Variants in EFCAB6 observed in about 807,000 individuals in gnomAD.
The protein encoded by EFCAB6 is EF-hand calcium binding domain 6.
Under a neutral mutation model 169.8 loss-of-function variants are expected in EFCAB6, and 156 were observed. The ratio of observed to expected loss-of-function variants is 0.92; its 90% CI spans 0.81 to 1.05. The LOEUF is 1.05. Among genes scored for constraint, EFCAB6 ranks in the 50% least tolerant of loss-of-function variants. The pLI is 0.00. For missense variants in EFCAB6, 1,800 were observed against 1,829.1 expected (o/e 0.98, Z 0.29); for synonymous variants, 698 against 676.4 (o/e 1.03, Z -0.50).
At chr22:43,590,838 A>G (rs1030391325) in intron 23 of EFCAB6, among the ~76,000 whole-genome samples, 3 of 152,144 alleles carry the variant, frequency 2.0e-5, no homozygotes, top group African/African-American at 7.2e-5. Flanking sequence ...ATGGATGCAA[A>G]AGAGTCAGCT....
At chr22:43,536,217 G>T (rs2047376212) in intron 29 of EFCAB6, 2 of 152,088 alleles carry the variant, frequency 1.3e-5, no homozygotes. Context: ...ACGCCAATAT[G>T]TGTGACAACC....
rs561222505 is a variant in EFCAB6, at chr22:43,678,216, G to A, written c.1252-53C>T. 7.1e-4 allele frequency: 1,028 copies of A among 1,454,492 alleles called. 16 individuals are homozygous for A. The South Asian group carries it at 0.012, about 17-fold the overall frequency. The allele number at this position is 1,454,492 out of a possible 1,614,324, so 90.1% of individuals were successfully genotyped here. A position where few individuals can be genotyped will look rare whatever the true frequency, so the allele number is the denominator to read the frequency against. Reference sequence around the variant, plus strand: ...TTTTTGAAAAAAAAAAAAAAAGGAAGAAAAAGTGTTATGTATGTTTAGCAT... The same window carrying A: ...TTTTTGAAAAAAAAAAAAAAAGGAAAAAAAAGTGTTATGTATGTTTAGCAT... On this transcript the variant is annotated intron_variant, in intron 12 of 31. Coordinates refer to ENST00000262726, the MANE Select transcript of EFCAB6 (RefSeq NM_022785.4).
chr22:43,635,245 A>C (rs2055300490), intron 17 of EFCAB6, 29 bp from the exon 18 acceptor site: 5 of 1,561,658 alleles, frequency 3.2e-6, no homozygotes, highest in Non-Finnish European at 4.4e-6. Flanking sequence ...GAGGGTGGAG[A>C]GGCGTTAGGT....
At chr22:43,566,208 C>T (rs971231822) in intron 26 of EFCAB6, among the ~76,000 whole-genome samples, 66 of 152,286 alleles carry the variant, frequency 4.3e-4, no homozygotes, top group Non-Finnish European at 7.4e-5. Flanking sequence ...GGAGTAGATA[C>T]TCCAGCACGC....
chr22:43,656,769 ACCT>A (rs2056765689), intron 17 of EFCAB6, among the ~76,000 whole-genome samples: 11 of 135,492 alleles, frequency 8.1e-5, no homozygotes, highest in Admixed American at 2.4e-4. Context: ...AGGCTATAGC[ACCT>A]AGGTTTGTTG....
intron 7 of EFCAB6, among the ~76,000 whole-genome samples, chr22:43,733,647 C>A (rs1422383559): frequency 6.6e-6 from 1 of 152,158 alleles, no homozygotes; most frequent in Non-Finnish European, 1.5e-5. Context: ...GCAAGCGCAT[C>A]ACAGGCATGT....
intron 10 of EFCAB6, among the ~76,000 whole-genome samples, chr22:43,702,051 T>G (rs935307816): frequency 6.6e-5 from 10 of 152,098 alleles, no homozygotes; most frequent in African/African-American, 2.4e-4. Context: ...AGTGCCCAGG[T>G]ACATGGGAAG....
At chr22:43,603,939 T>C (rs2052718107) in intron 22 of EFCAB6, among the ~76,000 whole-genome samples, 1 of 152,240 alleles carries the variant, frequency 6.6e-6, no homozygotes, top group Non-Finnish European at 1.5e-5. Flanking sequence ...ATGAGTGGTT[T>C]AGCATGATCC....
intron 6 of EFCAB6, among the ~76,000 whole-genome samples, chr22:43,745,349 C>T (rs187553002): frequency 3.9e-5 from 6 of 152,330 alleles, no homozygotes; most frequent in Non-Finnish European, 5.9e-5. Context: ...TGGCCCTTCC[C>T]GGAGGCAGGC....
chr22:43,775,695 C>T (rs1239914326), intron 3 of EFCAB6, among the ~76,000 whole-genome samples: 3 of 152,210 alleles, frequency 2.0e-5, no homozygotes, highest in African/African-American at 7.2e-5. Flanking sequence ...CCACCCGCCT[C>T]GGCCTCCCAA....
chr22:43,767,566 T>C (rs1003402263), intron 4 of EFCAB6, among the ~76,000 whole-genome samples: 2 of 152,140 alleles, frequency 1.3e-5, no homozygotes, highest in Non-Finnish European at 2.9e-5. Context: ...GTGTTTTACA[T>C]GAGTAGCCCT....
In EFCAB6 at chr22:43,731,715, A is replaced by G. The variant is rs2059956640; in HGVS notation, c.741T>C (p.Tyr247=). 5.0e-6 allele frequency: 8 copies of G among 1,588,160 alleles called. No individual in the cohort carries two copies. The highest frequency in any genetic ancestry group is 1.4e-5 in the African/African-American group (1 of 73,746). ...AATACTTACCTTGATTTCCCATACAATATCTAAGGTTCAAGTCGTTATTTA... is the reference window on the plus strand; with the variant it reads ...AATACTTACCTTGATTTCCCATACAGTATCTAAGGTTCAAGTCGTTATTTA... The part of the protein sequence containing the change: ...LSINNDLNLR[Y]CMGNQEVSLE... Residue 247 remains tyrosine, a synonymous_variant, in exon 8 of 32, where the codon TAT becomes TAC. Coordinates refer to ENST00000262726, the MANE Select transcript of EFCAB6 (RefSeq NM_022785.4).
At chr22:43,722,675 T>C (rs2059579787) in intron 8 of EFCAB6, among the ~76,000 whole-genome samples, 1 of 152,182 alleles carries the variant, frequency 6.6e-6, no homozygotes. Context: ...AAAACAGAGC[T>C]ACTATTCAAC....
At position 43,614,716 on chromosome 22, in the gene EFCAB6, T is replaced by C. The variant is rs56679665; in HGVS notation, c.2562+1110A>G. On this transcript the variant is annotated intron_variant, in intron 21 of 31. Coordinates refer to ENST00000262726, the MANE Select transcript of EFCAB6 (RefSeq NM_022785.4). ...GGGCCAGCGCAGACAGTCCACTCCA[T>C]AGAGTACACAATACAGACAGTTGAC... 2.0e-3 allele frequency among the ~76,000 whole-genome samples: 307 copies of C among 152,302 alleles called. 2 individuals are homozygous for C. In the Middle Eastern group the frequency reaches 0.02, roughly 10 times the overall value.
chr22:43,566,220 G>A (rs1602301252), intron 26 of EFCAB6, among the ~76,000 whole-genome samples: 1 of 152,198 alleles, frequency 6.6e-6, no homozygotes, highest in African/African-American at 2.4e-5. Context: ...CCAGCACGCT[G>A]TTTGCACAAG....
At chr22:43,609,164 A>G (rs2053131811) in intron 21 of EFCAB6, among the ~76,000 whole-genome samples, 1 of 152,240 alleles carries the variant, frequency 6.6e-6, no homozygotes, top group Non-Finnish European at 1.5e-5. Context: ...TCTTCTTCAT[A>G]ACAACATGAT....
intron 29 of EFCAB6, 62 bp from the exon 30 acceptor site, chr22:43,534,934 T>C (rs2047299856): frequency 1.3e-6 from 2 of 1,523,776 alleles, no homozygotes; most frequent in Admixed American, 1.9e-5. Context: ...TCTTCACTCA[T>C]TCATTCAACA....
chr22:43,539,400 T>C (rs1431108610), intron 28 of EFCAB6, among the ~76,000 whole-genome samples: 2 of 152,222 alleles, frequency 1.3e-5, no homozygotes, highest in Non-Finnish European at 1.5e-5. Context: ...CATTCTCAGC[T>C]ATAGAAAATA....
Position 43,739,565 on chromosome 22 carries a change from A to T in EFCAB6, c.508-3572T>A, listed in dbSNP as rs188758756. ...GGACTCTTCTCAGAGCCCAGCTTAG[A>T]ATATCCAGCTGCCCATTTGATGTCC... On this transcript the variant is annotated intron_variant, in intron 6 of 31. Coordinates refer to ENST00000262726, the MANE Select transcript of EFCAB6 (RefSeq NM_022785.4). 4.3e-4 allele frequency among the ~76,000 whole-genome samples: 65 copies of T among 152,106 alleles called. 1 individual carries two copies. The Middle Eastern group carries it at 0.02, about 48-fold the overall frequency.
Sources: allele counts gnomAD v4.1 joint callset (sites outside exome capture counted in the v4.1 genomes callset), GRCh38; gene constraint gnomAD v4.1.1; transcripts MANE v1.5; gene names NCBI Gene and HGNC (gene_info 2026-07-23, HGNC 2026-07-21).